ZC3H18: variants seen among roughly 807,000 people sequenced by gnomAD.
The protein encoded by ZC3H18 is zinc finger CCCH-type containing 18.
Under a neutral mutation model 106.1 loss-of-function variants are expected in ZC3H18, and 8 were observed. The observed-to-expected ratio is 0.08, with a 90% confidence interval of 0.04 to 0.14. The LOEUF (loss-of-function observed/expected upper bound fraction) is 0.14. ZC3H18 is among the 10% of genes least tolerant of loss of function. The pLI is 1.00. For synonymous variants in ZC3H18, 635 were observed against 522.1 expected (o/e 1.22, Z -2.95); for missense variants, 1,318 against 1,278.4 (o/e 1.03, Z -0.47).
chr16:88,583,089 G>A (rs942137574), intron 2 of ZC3H18, among the ~76,000 whole-genome samples: 4 of 152,258 alleles, frequency 2.6e-5, no homozygotes, highest in African/African-American at 9.6e-5. Context: ...TTGGGCCCGG[G>A]GCCCGGCTGC....
At chr16:88,607,841 G>A (rs536580778) in intron 6 of ZC3H18, among the ~76,000 whole-genome samples, 19 of 152,138 alleles carry the variant, frequency 1.2e-4, no homozygotes, top group Non-Finnish European at 2.1e-4. Context: ...CACGCTTCAT[G>A]TCTCTCAGGC....
At chr16:88,589,028 C>G (rs1393356769) in intron 3 of ZC3H18, among the ~76,000 whole-genome samples, 1 of 152,196 alleles carries the variant, frequency 6.6e-6, no homozygotes, top group African/African-American at 2.4e-5. Flanking sequence ...TTACCGTTTT[C>G]TAGATCATGT....
rs771432614 is a variant in ZC3H18, at chr16:88,631,220, G to A, written c.2783G>A (p.Arg928Gln). The A allele has an allele frequency of 6.2e-7, 1 of 1,613,450 alleles. No homozygotes were observed. The change falls in exon 18 of 18, where the codon CGG becomes CAG. Residue 928 changes from arginine to glutamine, a missense_variant. This residue lies in a region of ZC3H18 where 13 missense variants were observed against 40.8 expected (regional missense o/e 0.32). Coordinates refer to ENST00000301011, the MANE Select transcript of ZC3H18 (RefSeq NM_144604.4). ...GGGAAGGCCAGCACGCTGTCTCGGCGGGAGGAGCTGCTGAAACAGCTGAAG... is the reference window on the plus strand; with the variant it reads ...GGGAAGGCCAGCACGCTGTCTCGGCAGGAGGAGCTGCTGAAACAGCTGAAG... ...KSGKASTLSR[R>Q]EELLKQLKAV...
In ZC3H18 at chr16:88,585,810, A is replaced by G. The variant is rs148529572; in HGVS notation, c.604-790A>G. On this transcript the variant is annotated intron_variant, in intron 2 of 17. Transcript: ENST00000301011. ...ATGGGGAGGGGGATCAAGAGGGGCC[A>G]CATGGGACCGGTGAGATTGGTTACG... Among the ~76,000 whole-genome samples, 446 of 152,160 alleles carry G rather than the reference A, an allele frequency of 2.9e-3. 3 individuals are homozygous for G. Among genetic ancestry groups the G allele is most frequent in the East Asian group, 0.027 (141 of 5,186 alleles).
In ZC3H18 at chr16:88,608,966, A is replaced by G. The variant is rs771564428; in HGVS notation, c.1121A>G (p.Tyr374Cys). 5 of 1,613,868 alleles carry G rather than the reference A, an allele frequency of 3.1e-6. No homozygotes were observed. The highest frequency in any genetic ancestry group is 3.3e-5 in the Admixed American group (2 of 60,006). Reference sequence around the variant, plus strand: ...CCTTACGCAGACCCTTATTATGACTATGAAATTGAGCGGTTTTGGCGTGGC... The same window carrying G: ...CCTTACGCAGACCCTTATTATGACTGTGAAATTGAGCGGTTTTGGCGTGGC... ...LEPYADPYYD[Y>C]EIERFWRGGQ... Residue 374 changes from tyrosine (Y) to cysteine (C), a missense_variant, in exon 7 of 18, where the codon TAT (tyrosine) becomes TGT (cysteine). Tyr to Cys is a radical substitution (Grantham distance 194, BLOSUM62 -2). Around this residue, in one of 6 missense-constraint regions of ZC3H18, gnomAD observed 848 missense variants for 821.7 expected, o/e 1.03. Coordinates refer to ENST00000301011, the MANE Select transcript of ZC3H18 (RefSeq NM_144604.4).
At chr16:88,590,863 A>C (rs930481527) in intron 3 of ZC3H18, among the ~76,000 whole-genome samples, 1 of 149,986 alleles carries the variant, frequency 6.7e-6, no homozygotes, top group Non-Finnish European at 1.5e-5. Context: ...CCCGGCCCCT[A>C]CTTTGGGCTT....
At chr16:88,621,234 T>TC (rs1392935446) in intron 8 of ZC3H18, among the ~76,000 whole-genome samples, 1 of 150,810 alleles carries the variant, frequency 6.6e-6, no homozygotes, top group East Asian at 1.9e-4. Flanking sequence ...TTTTTATTTT[T>TC]TTTTTTTTGA....
At chr16:88,618,163 C>G (rs1286811597) in intron 8 of ZC3H18, among the ~76,000 whole-genome samples, 1 of 152,090 alleles carries the variant, frequency 6.6e-6, no homozygotes, top group Non-Finnish European at 1.5e-5. Context: ...GTGACGGCCA[C>G]TCAGGTCGTC....
At chr16:88,611,615 C>A (rs745946368) in intron 8 of ZC3H18, 79 bp downstream of exon 8, 16 of 1,493,774 alleles carry the variant, frequency 1.1e-5, no homozygotes, top group Middle Eastern at 2.4e-4. Flanking sequence ...CTGGCCTGCG[C>A]TTCCCCTCTG....
At chr16:88,587,410 G>C in intron 3 of ZC3H18, 3 of 695,932 alleles carry the variant, frequency 4.3e-6, no homozygotes, top group Non-Finnish European at 7.2e-6. Context: ...GTAATTCAGC[G>C]TTCCCCTTGG....
chr16:88,594,542 A>G (rs1023524625), intron 3 of ZC3H18, among the ~76,000 whole-genome samples: 1 of 152,052 alleles, frequency 6.6e-6, no homozygotes, highest in African/African-American at 2.4e-5. Context: ...TCCCTGATCC[A>G]GTTTGGGTTG....
intron 2 of ZC3H18, among the ~76,000 whole-genome samples, chr16:88,585,654 G>T (rs72809429): frequency 0.17 from 26,164 of 152,110 alleles, 2,291 homozygotes; most frequent in East Asian, 0.24. Context: ...ACGCGGTCAG[G>T]CCTGGAACTG....
chr16:88,600,605 A>T (rs1309865509), intron 6 of ZC3H18, among the ~76,000 whole-genome samples: 2 of 152,088 alleles, frequency 1.3e-5, no homozygotes, highest in Non-Finnish European at 2.9e-5. Flanking sequence ...GTAGAGATGG[A>T]TTTCACCATG....
At chr16:88,626,314 G>C (rs1321563705) in intron 13 of ZC3H18, 1 of 152,150 alleles carries the variant, frequency 6.6e-6, no homozygotes, top group Admixed American at 6.6e-5. Flanking sequence ...CTACTTGGGA[G>C]GTCAAGGTTG....
chr16:88,620,474 A>T (rs1265603382), intron 8 of ZC3H18, among the ~76,000 whole-genome samples: 4 of 152,012 alleles, frequency 2.6e-5, no homozygotes, highest in Non-Finnish European at 5.9e-5. Context: ...CTGGCTACTC[A>T]AGAGGCTGAG....
chr16:88,627,999 A>G lies in ZC3H18; in HGVS notation c.2349A>G (p.Lys783=), dbSNP rs757323586. The G allele has an allele frequency of 3.7e-5, 60 of 1,613,698 alleles. No individual in the cohort carries two copies. The highest frequency in any genetic ancestry group is 3.6e-4 in the South Asian group (33 of 91,080). The change falls in exon 15 of 18, where the codon AAA becomes AAG. Residue 783 remains lysine, a synonymous_variant. Transcript: ENST00000301011. The surrounding 1 kb of genome is among the most constrained non-coding windows in gnomAD (Gnocchi z 4.5). ...CCACACAACCACCCAAATCTGCAAA[A>G]CCTCCAGCAGGGGGGAAGTCCTCCC... is the stretch of plus-strand genomic sequence containing the variant. ...DSSTQPPKSA[K]PPAGGKSSQQ...
rs139418254 is a variant in ZC3H18 at position 88,598,572 on chromosome 16, A to G, written c.838-48A>G. ...TTTTTACTGTCTGGTTTCTCTGTAC[A>G]CTTGAAAGTTTTACTTTCTCACCTT... On this transcript the variant is annotated intron_variant, in intron 4 of 17. Transcript: ENST00000301011. The G allele has an allele frequency of 1.1e-5, 17 of 1,556,516 alleles. No homozygotes were observed. In the East Asian group the frequency reaches 3.5e-4, roughly 32 times the overall value.
chr16:88,609,787 G>C (rs1019028050), intron 7 of ZC3H18, among the ~76,000 whole-genome samples: 1 of 128,514 alleles, frequency 7.8e-6, no homozygotes, highest in African/African-American at 2.6e-5. Flanking sequence ...TTTTAGTAGA[G>C]ACAGGGTTTT....
At chr16:88,623,865 C>T in intron 10 of ZC3H18, 93 bp from the exon 11 acceptor site, 1 of 1,489,838 alleles carries the variant, frequency 6.7e-7, no homozygotes, top group Non-Finnish European at 8.9e-7. Flanking sequence ...AAATTCGTGG[C>T]CTTCTCCATG....
Sources: gnomAD v4.1 joint callset for allele counts (sites outside exome capture counted in the v4.1 genomes callset) on GRCh38, gnomAD v4.1.1 for gene constraint, gnomAD v4.1.1 regional missense constraint, Gnocchi (gnomAD v3.1) non-coding constraint, MANE v1.5 for transcripts, NCBI Gene and HGNC (gene_info 2026-07-23, HGNC 2026-07-21) for gene names.